Variants in NEGR1 observed in about 807,000 individuals in gnomAD.
The protein encoded by NEGR1 is IgLON family member 4.
Under a neutral mutation model 40.9 loss-of-function variants are expected in NEGR1, and 10 were observed. The observed-to-expected ratio is 0.24, with a 90% CI of 0.15 to 0.42. NEGR1 has a LOEUF of 0.42. Among genes scored for constraint, NEGR1 ranks in the 10% least tolerant of loss-of-function variants. The pLI is 1.00. For missense variants in NEGR1, 352 were observed against 438.9 expected (o/e 0.80, Z 1.77); for synonymous variants, 185 against 166.8 (o/e 1.11, Z -0.84).
intron 1 of NEGR1, among the ~76,000 whole-genome samples, chr1:72,113,422 G>A (rs1380687627): frequency 2.1e-5 from 3 of 146,258 alleles, no homozygotes; most frequent in Non-Finnish European, 4.6e-5. Context: ...TTAGAAGTGA[G>A]TAAGCTTTTA....
intron 1 of NEGR1, among the ~76,000 whole-genome samples, chr1:72,079,828 G>A (rs913159285): frequency 6.6e-6 from 1 of 151,930 alleles, no homozygotes; most frequent in African/African-American, 2.4e-5. Flanking sequence ...AGTGAAAAAT[G>A]TTTTACTCAT....
At chr1:71,882,620 T>C (rs904507966) in intron 2 of NEGR1, among the ~76,000 whole-genome samples, 3 of 151,640 alleles carry the variant, frequency 2.0e-5, no homozygotes, top group African/African-American at 7.3e-5. Context: ...TGAAATTTAA[T>C]AAGGCTTAAA....
chr1:71,874,963 G>A (rs1339963644), intron 2 of NEGR1, among the ~76,000 whole-genome samples: 1 of 151,866 alleles, frequency 6.6e-6, no homozygotes, highest in East Asian at 1.9e-4. Context: ...TCCTCCCTCA[G>A]CCTCCTGAGT....
At chr1:72,077,899 C>G (rs904070307) in intron 1 of NEGR1, among the ~76,000 whole-genome samples, 1 of 152,052 alleles carries the variant, frequency 6.6e-6, no homozygotes. Flanking sequence ...CAGTCAACAA[C>G]CCCTAGAAAT....
chr1:71,495,757 G>T (rs1569946442), intron 6 of NEGR1, among the ~76,000 whole-genome samples: 1 of 152,146 alleles, frequency 6.6e-6, no homozygotes, highest in Admixed American at 6.5e-5. Context: ...CTATTATAAT[G>T]CTGTGAAAAA....
chr1:71,525,489 C>T (rs1235382782), intron 6 of NEGR1, among the ~76,000 whole-genome samples: 1 of 151,662 alleles, frequency 6.6e-6, no homozygotes, highest in African/African-American at 2.4e-5. Context: ...TCTAATTTCC[C>T]ATCCAGCTGA....
At chr1:71,928,109 T>TACATATATGTATATATAC (rs1645799942) in intron 2 of NEGR1, among the ~76,000 whole-genome samples, 1 of 97,798 alleles carries the variant, frequency 1.0e-5, no homozygotes, top group Non-Finnish European at 1.9e-5. Flanking sequence ...TATGTATATA[T>TACATATATGTATATATAC]ACACATATGT....
intron 1 of NEGR1, among the ~76,000 whole-genome samples, chr1:72,191,918 C>G (rs1019081691): frequency 3.3e-5 from 5 of 151,856 alleles, no homozygotes; most frequent in African/African-American, 1.2e-4. Flanking sequence ...TACTCAGAAG[C>G]AAATGTCTGT....
chr1:71,988,506 T>A (rs184294329), intron 1 of NEGR1, among the ~76,000 whole-genome samples: 1 of 122,820 alleles, frequency 8.1e-6, no homozygotes, highest in African/African-American at 3.1e-5. Context: ...GCCACTGCAG[T>A]CCGCAGTCCG....
At chr1:72,149,424 G>C (rs1049097124) in intron 1 of NEGR1, among the ~76,000 whole-genome samples, 10 of 152,104 alleles carry the variant, frequency 6.6e-5, no homozygotes, top group Admixed American at 2.0e-4. Context: ...TTCTGAAATT[G>C]TAAAGCAGAC....
chr1:71,929,133 T>C (rs1181784903), intron 2 of NEGR1, among the ~76,000 whole-genome samples: 1 of 152,106 alleles, frequency 6.6e-6, no homozygotes, highest in Admixed American at 6.5e-5. Context: ...TGTAGCTTTG[T>C]TATCTAGTTA....
intron 1 of NEGR1, among the ~76,000 whole-genome samples, chr1:72,141,734 G>A (rs1316209366): frequency 6.6e-6 from 1 of 151,936 alleles, no homozygotes; most frequent in African/African-American, 2.4e-5. Context: ...TCAATAAACA[G>A]GTTCTTTATA....
rs1241764799 is a variant in NEGR1 at position 71,948,096 on chromosome 1, TAAAAAATCTTTTC to T, written c.177-12798_177-12786del. 2.0e-5 allele frequency among the ~76,000 whole-genome samples: 3 copies of T among 152,234 alleles called. No homozygotes were observed. The East Asian group carries it at 5.8e-4, about 29-fold the overall frequency. The stretch of plus-strand genomic sequence containing the variant: ...CACGGACTTTTAAAATACAGTTGCT[TAAAAAATCTTTTC>T]ACTTTGTTCTATCTTGTGTAGATTT... On this transcript the variant is annotated intron_variant, in intron 1 of 6. Transcript: ENST00000357731.
At chr1:72,165,077 A>G (rs1651719801) in intron 1 of NEGR1, among the ~76,000 whole-genome samples, 1 of 151,930 alleles carries the variant, frequency 6.6e-6, no homozygotes, top group East Asian at 1.9e-4. Flanking sequence ...TGGATCTATT[A>G]TCATTGGTAT....
chr1:71,794,429 AACTCACAGC>A (rs1021191146), intron 2 of NEGR1: 1 of 152,146 alleles, frequency 6.6e-6, no homozygotes, highest in Non-Finnish European at 1.5e-5. Flanking sequence ...GCACACACAA[AACTCACAGC>A]ACTCACAGAA....
At chr1:72,021,425 T>C (rs1304646556) in intron 1 of NEGR1, among the ~76,000 whole-genome samples, 2 of 152,228 alleles carry the variant, frequency 1.3e-5, no homozygotes, top group East Asian at 1.9e-4. Flanking sequence ...CAGAAATTAA[T>C]GCATTTGAAA....
chr1:72,267,964 A>G (rs1655704525), intron 1 of NEGR1, among the ~76,000 whole-genome samples: 1 of 151,258 alleles, frequency 6.6e-6, no homozygotes. Context: ...AGAAAACAGT[A>G]TGAAAGAAAA....
At chr1:71,514,425 C>T (rs1353035610) in intron 6 of NEGR1, among the ~76,000 whole-genome samples, 12 of 101,430 alleles carry the variant, frequency 1.2e-4, no homozygotes, top group African/African-American at 2.9e-4. Context: ...CCCTGACCCC[C>T]GGGCAGCCTA....
intron 4 of NEGR1, among the ~76,000 whole-genome samples, chr1:71,678,483 C>T (rs1047682430): frequency 6.6e-6 from 1 of 152,084 alleles, no homozygotes; most frequent in African/African-American, 2.4e-5. Flanking sequence ...CACATGTGGA[C>T]ACTCCCCGAG....
Sources: allele counts gnomAD v4.1 joint callset (sites outside exome capture counted in the v4.1 genomes callset), GRCh38; gene constraint gnomAD v4.1.1; transcripts MANE v1.5; gene names NCBI Gene and HGNC (gene_info 2026-07-23, HGNC 2026-07-21).